The following TTC28 variants were observed in gnomAD, a reference collection of about 807,000 sequenced individuals.
TTC28 encodes the protein tetratricopeptide repeat protein 28.
Under a neutral mutation model 198.0 loss-of-function variants are expected in TTC28, and 61 were observed. The observed-to-expected ratio is 0.31, with a 90% CI of 0.25 to 0.38. TTC28 has a LOEUF of 0.38. Ranked by LOEUF, TTC28 falls within the 10% of genes least tolerant of loss-of-function variation. The pLI, the probability that TTC28 is intolerant of heterozygous loss-of-function variation, is 1.00. For missense variants in TTC28, 2,678 were observed against 3,164.0 expected, an observed-to-expected ratio of 0.85 and a Z score of 3.69; for synonymous variants, 1,171 against 1,297.8, an observed-to-expected ratio of 0.90 and a Z score of 2.10.
At chr22:28,355,319 A>G (rs1305306573) in intron 2 of TTC28, among the ~76,000 whole-genome samples, 1 of 152,178 alleles carries the variant, frequency 6.6e-6, no homozygotes, top group Non-Finnish European at 1.5e-5. Flanking sequence ...AGGAGTTATC[A>G]CGGAAAGCTT....
At chr22:28,281,954 T>C (rs2044590817) in intron 5 of TTC28, among the ~76,000 whole-genome samples, 1 of 152,188 alleles carries the variant, frequency 6.6e-6, no homozygotes, top group East Asian at 1.9e-4. Context: ...TTTCTGGTTG[T>C]TTTTGTGGCC....
chr22:28,512,919 A>G (rs2048711704), intron 2 of TTC28, among the ~76,000 whole-genome samples: 1 of 152,094 alleles, frequency 6.6e-6, no homozygotes, highest in Non-Finnish European at 1.5e-5. Context: ...CTGAACTTCA[A>G]ATAAAAGTTG....
intron 5 of TTC28, among the ~76,000 whole-genome samples, chr22:28,185,655 T>C (rs1418568090): frequency 2.0e-5 from 3 of 152,180 alleles, no homozygotes; most frequent in African/African-American, 7.2e-5. Flanking sequence ...AACTACAGTA[T>C]GTTTACTTAC....
Position 28,603,091 on chromosome 22 carries a change from G to C in TTC28, c.381+26461C>G, listed in dbSNP as rs188717452. On this transcript the variant is annotated intron_variant, in intron 2 of 22. Coordinates refer to ENST00000397906, the MANE Select transcript of TTC28 (RefSeq NM_001145418.2). ...AGACGGGGTTTCACCACGTTGGCCA[G>C]GATGATCTCAATCTCTTGACCTCGT... Among the ~76,000 whole-genome samples, 328 of 152,166 alleles carry C rather than the reference G, an allele frequency of 2.2e-3. 3 individuals carry two copies. The highest frequency in any genetic ancestry group is 7.6e-3 in the African/African-American group (314 of 41,520).
At chr22:28,183,143 C>T (rs1404791695) in intron 5 of TTC28, among the ~76,000 whole-genome samples, 2 of 151,822 alleles carry the variant, frequency 1.3e-5, no homozygotes, top group African/African-American at 2.4e-5. Context: ...ACTGCAGCCT[C>T]GAACTCTTGG....
chr22:28,020,490 C>T (rs1213414917), intron 13 of TTC28, among the ~76,000 whole-genome samples: 2 of 152,132 alleles, frequency 1.3e-5, no homozygotes, highest in East Asian at 1.9e-4. Context: ...GGGTCAGGGG[C>T]GTGGCTCATG....
chr22:28,671,367 G>C (rs1322919630), intron 1 of TTC28, among the ~76,000 whole-genome samples: 1 of 152,034 alleles, frequency 6.6e-6, no homozygotes, highest in Admixed American at 6.6e-5. Flanking sequence ...CGGGCGCGGT[G>C]GCTCACGCCT....
At chr22:28,081,493 A>ATT (rs35534789) in intron 12 of TTC28, among the ~76,000 whole-genome samples, 2,759 of 125,542 alleles carry the variant, frequency 0.022, 30 homozygotes, top group Non-Finnish European at 0.029. Context: ...TGCCACCAGG[A>ATT]TTTTTTTTTT....
At chr22:28,477,629 G>A (rs1311140736) in intron 2 of TTC28, among the ~76,000 whole-genome samples, 1 of 152,186 alleles carries the variant, frequency 6.6e-6, no homozygotes, top group Non-Finnish European at 1.5e-5. Flanking sequence ...ATTTGTGGTA[G>A]ATAGATTGCA....
intron 2 of TTC28, among the ~76,000 whole-genome samples, chr22:28,537,909 T>C (rs1181206776): frequency 1.3e-5 from 2 of 151,816 alleles, no homozygotes; most frequent in East Asian, 3.9e-4. Flanking sequence ...GGTGGAAGGA[T>C]CCCTTGAGCT....
At chr22:28,031,529 G>C (rs6005699) in intron 12 of TTC28, among the ~76,000 whole-genome samples, 94 of 152,324 alleles carry the variant, frequency 6.2e-4, no homozygotes, top group African/African-American at 2.1e-3. Context: ...CTGTCGCTGA[G>C]AAGAATAAGG....
intron 2 of TTC28, among the ~76,000 whole-genome samples, chr22:28,499,976 A>G (rs1815216800): frequency 6.6e-6 from 1 of 152,184 alleles, no homozygotes; most frequent in African/African-American, 2.4e-5. Context: ...TTGAAATTAT[A>G]TATTACTGTT....
At chr22:28,362,168 T>C (rs182888385) in intron 2 of TTC28, among the ~76,000 whole-genome samples, 12 of 152,276 alleles carry the variant, frequency 7.9e-5, no homozygotes, top group Admixed American at 2.0e-4. Flanking sequence ...TCAATTCTCA[T>C]GTGTTATGCG....
At chr22:28,181,127 C>G (rs1034851551) in intron 5 of TTC28, among the ~76,000 whole-genome samples, 1 of 152,130 alleles carries the variant, frequency 6.6e-6, no homozygotes, top group African/African-American at 2.4e-5. Context: ...GCTGTGGGAC[C>G]AGAGGAGCTT....
chr22:28,087,351 T>C (rs1409633134), intron 12 of TTC28, among the ~76,000 whole-genome samples: 3 of 152,132 alleles, frequency 2.0e-5, no homozygotes, highest in Admixed American at 6.6e-5. Context: ...GCAAGGCTGG[T>C]TCAATATATG....
At chr22:28,480,121 G>C (rs570583425) in intron 2 of TTC28, among the ~76,000 whole-genome samples, 44 of 152,286 alleles carry the variant, frequency 2.9e-4, no homozygotes, top group Admixed American at 3.9e-4. Flanking sequence ...GATGTGAACT[G>C]TCAGTCACAA....
intron 2 of TTC28, among the ~76,000 whole-genome samples, chr22:28,420,565 CAAAA>C (rs4035770): frequency 6.1e-5 from 6 of 97,974 alleles, no homozygotes; most frequent in Non-Finnish European, 1.1e-4. Context: ...CTAAAAAATG[CAAAA>C]AAAAAAAAAA....
intron 2 of TTC28, among the ~76,000 whole-genome samples, chr22:28,435,542 G>A (rs1166726377): frequency 1.3e-5 from 2 of 152,132 alleles, no homozygotes; most frequent in Non-Finnish European, 2.9e-5. Context: ...AGCTGACAGG[G>A]CCAGCCGGGA....
chr22:27,993,905 C>T (rs569440874), intron 17 of TTC28, among the ~76,000 whole-genome samples: 2 of 152,352 alleles, frequency 1.3e-5, no homozygotes, highest in African/African-American at 2.4e-5. Flanking sequence ...AACCCCCTCA[C>T]TGCCCACAGC....
Sources: gnomAD v4.1 joint callset for allele counts (sites outside exome capture counted in the v4.1 genomes callset) on GRCh38, gnomAD v4.1.1 for gene constraint, MANE v1.5 for transcripts, NCBI Gene and HGNC (gene_info 2026-07-23, HGNC 2026-07-21) for gene names.